CDH4: variants seen among roughly 807,000 people sequenced by gnomAD.
CDH4 encodes the protein cadherin-4.
A neutral mutation model predicts 86.0 loss-of-function variants in CDH4; 33 were observed. The observed-to-expected ratio is 0.38, with a 90% CI of 0.29 to 0.51. CDH4 has a LOEUF of 0.51. Among genes scored for constraint, CDH4 ranks in the 20% least tolerant of loss-of-function variants. The pLI is 0.86. For synonymous variants in CDH4, 555 were observed against 549.4 expected (o/e 1.01, Z -0.14); for missense variants, 1,114 against 1,307.4 (o/e 0.85, Z 2.28).
chr20:61,719,264 T>A (rs2088004012), intron 2 of CDH4: 5 of 382,744 alleles, frequency 1.3e-5, no homozygotes, highest in Non-Finnish European at 2.7e-5. Context: ...GTTTAGTGTC[T>A]GGATGTAAAA....
intron 7 of CDH4, among the ~76,000 whole-genome samples, chr20:61,884,314 T>G (rs1036063845): frequency 6.6e-6 from 1 of 152,166 alleles, no homozygotes; most frequent in Non-Finnish European, 1.5e-5. Context: ...AGCAGAAGGT[T>G]GAGTGAGACA....
chr20:61,603,903 T>C (rs931783834), intron 2 of CDH4, among the ~76,000 whole-genome samples: 1 of 152,160 alleles, frequency 6.6e-6, no homozygotes, highest in African/African-American at 2.4e-5. Context: ...GGAGTGTTCA[T>C]ATACACATGT....
intron 12 of CDH4, 137 bp downstream of exon 12, chr20:61,928,560 G>A: frequency 1.4e-6 from 1 of 718,120 alleles, no homozygotes; most frequent in Admixed American, 2.5e-5. Flanking sequence ...CAAGGCTGGG[G>A]ACACTGGCCA....
chr20:61,687,849 C>T (rs139972864), intron 2 of CDH4, among the ~76,000 whole-genome samples: 1 of 152,308 alleles, frequency 6.6e-6, no homozygotes, highest in African/African-American at 2.4e-5. Context: ...ACTAAAAGGA[C>T]TTAGCCTACC....
intron 2 of CDH4, among the ~76,000 whole-genome samples, chr20:61,705,590 A>C (rs1345991614): frequency 6.6e-6 from 1 of 152,030 alleles, no homozygotes; most frequent in Non-Finnish European, 1.5e-5. Context: ...ACGCTCTGTC[A>C]GGAGAGCCAC....
chr20:61,256,299 A>C (rs2084097624), intron 2 of CDH4, among the ~76,000 whole-genome samples: 1 of 152,206 alleles, frequency 6.6e-6, no homozygotes, highest in Admixed American at 6.5e-5. Flanking sequence ...GGCATCCTTA[A>C]GTTCTCTGAT....
At chr20:61,411,840 C>T (rs2145491836) in intron 2 of CDH4, among the ~76,000 whole-genome samples, 1 of 152,316 alleles carries the variant, frequency 6.6e-6, no homozygotes, top group African/African-American at 2.4e-5. Context: ...AGCCTCCAGC[C>T]AGGCCCCGAT....
At chr20:61,701,261 T>G (rs1477023762) in intron 2 of CDH4, among the ~76,000 whole-genome samples, 1 of 152,228 alleles carries the variant, frequency 6.6e-6, no homozygotes, top group East Asian at 1.9e-4. Flanking sequence ...TCGCAACTAA[T>G]TTCATGTGCC....
chr20:61,273,420 T>C (rs375893646), intron 2 of CDH4, among the ~76,000 whole-genome samples: 4 of 64,400 alleles, frequency 6.2e-5, no homozygotes, highest in African/African-American at 2.0e-4. Context: ...GGGAGTACCA[T>C]GTGCAGTTTG....
At chr20:61,866,500 T>G (rs1271195378) in intron 6 of CDH4, among the ~76,000 whole-genome samples, 2 of 152,216 alleles carry the variant, frequency 1.3e-5, no homozygotes, top group African/African-American at 4.8e-5. Context: ...ATCATTATTT[T>G]AAAGTAGCTT....
chr20:61,843,456 CAAAA>C (rs869283452), intron 4 of CDH4, among the ~76,000 whole-genome samples: 8 of 58,848 alleles, frequency 1.4e-4, no homozygotes, highest in South Asian at 9.3e-4. Flanking sequence ...GACTCCGTCT[CAAAA>C]AAAAAAAAAA....
intron 2 of CDH4, among the ~76,000 whole-genome samples, chr20:61,529,281 G>A (rs2085935162): frequency 6.6e-6 from 1 of 152,126 alleles, no homozygotes; most frequent in South Asian, 2.1e-4. Context: ...CATTTACATA[G>A]GCTTTAAATA....
At chr20:61,376,038 T>G (rs2084870258) in intron 2 of CDH4, among the ~76,000 whole-genome samples, 1 of 143,956 alleles carries the variant, frequency 6.9e-6, no homozygotes, top group Non-Finnish European at 1.5e-5. Context: ...TGGATGGTAG[T>G]GTGATGGTCT....
chr20:61,527,592 G>A (rs960224279), intron 2 of CDH4, among the ~76,000 whole-genome samples: 2 of 152,182 alleles, frequency 1.3e-5, no homozygotes, highest in African/African-American at 4.8e-5. Context: ...TTTAAGCAGG[G>A]ATCCATGCAG....
intron 2 of CDH4, among the ~76,000 whole-genome samples, chr20:61,726,745 A>G (rs2088117010): frequency 6.6e-6 from 1 of 151,834 alleles, no homozygotes; most frequent in Non-Finnish European, 1.5e-5. Context: ...CATTGCTGCC[A>G]TCATCGTCAC....
At chr20:61,473,249 T>C (rs933118431) in intron 2 of CDH4, among the ~76,000 whole-genome samples, 4 of 152,208 alleles carry the variant, frequency 2.6e-5, no homozygotes, top group African/African-American at 9.6e-5. Context: ...ATTATGAGTA[T>C]TCCTCACTTT....
Position 61,937,914 on chromosome 20 carries a change from G to C in CDH4, c.*971G>C, listed in dbSNP as rs548336281. On this transcript the variant is annotated 3_prime_UTR_variant, in exon 16 of 16. Coordinates refer to ENST00000614565, the MANE Select transcript of CDH4 (RefSeq NM_001794.5). ...TCAATTCAAACCCCAGGACACTCTC[G>C]ACAGCTCCAACCATCCGGAGGGCTG... 6.6e-6 allele frequency: 1 copy of C among 152,352 alleles called. No homozygotes were observed. The highest frequency in any genetic ancestry group is 1.9e-4 in the East Asian group (1 of 5,188). 9.4% of individuals were successfully genotyped at this position (152,352 alleles called of 1,614,324 possible).
At chr20:61,545,686 G>A (rs542719735) in intron 2 of CDH4, among the ~76,000 whole-genome samples, 16 of 152,354 alleles carry the variant, frequency 1.1e-4, no homozygotes, top group South Asian at 4.1e-4. Flanking sequence ...AACTGGTGCC[G>A]CTCATGCTTG....
Position 61,517,789 on chromosome 20 carries a change from C to A in CDH4, c.170-225774C>A, listed in dbSNP as rs1276631288. 6.6e-6 allele frequency among the ~76,000 whole-genome samples: 1 copy of A among 152,214 alleles called. No individual in the cohort carries two copies. The highest frequency in any genetic ancestry group is 1.5e-5 in the Non-Finnish European group (1 of 68,040). On this transcript the variant is annotated intron_variant, in intron 2 of 15. Coordinates refer to ENST00000614565, the MANE Select transcript of CDH4 (RefSeq NM_001794.5). The surrounding 1 kb of genome is among the most constrained non-coding windows in gnomAD (Gnocchi z 6.6). ...ATATGTCTGATTTTATGGTTTTCAT[C>A]CTGAAATACGTGGTCAGTCCAGGGT...
Sources: gnomAD v4.1 joint callset for allele counts (sites outside exome capture counted in the v4.1 genomes callset) on GRCh38, gnomAD v4.1.1 for gene constraint, Gnocchi (gnomAD v3.1) non-coding constraint, MANE v1.5 for transcripts, NCBI Gene and HGNC (gene_info 2026-07-23, HGNC 2026-07-21) for gene names.